EFEMP1: variants seen among roughly 807,000 people sequenced by gnomAD.
EFEMP1 encodes EGF-containing fibulin-like extracellular matrix protein 1.
In EFEMP1, 18 loss-of-function variants were observed where a neutral mutation model predicts 65.7. The ratio of observed to expected loss-of-function variants is 0.27; its 90% CI spans 0.19 to 0.41. The LOEUF is 0.41. Ranked by LOEUF, EFEMP1 falls within the 10% of genes least tolerant of loss-of-function variation. The pLI, the probability that EFEMP1 is intolerant of heterozygous loss-of-function variation, is 1.00. For synonymous variants in EFEMP1, 237 were observed against 219.7 expected, an observed-to-expected ratio of 1.08 and a Z score of -0.70; for missense variants, 469 against 624.8, an observed-to-expected ratio of 0.75 and a Z score of 2.66.
chr2:55,921,763 G>T lies in EFEMP1; in HGVS notation c.81+597C>A, dbSNP rs1466117332. On this transcript the variant is annotated intron_variant, in intron 3 of 11. Coordinates refer to ENST00000355426, the MANE Select transcript of EFEMP1 (RefSeq NM_001039348.3). The surrounding 1 kb of genome is among the most constrained non-coding windows in gnomAD (Gnocchi z 4.1). ...CGCTAATTAGAAAATGCAAAACGGA[G>T]TTGCACACATTACGTTTTAAAACCA... Among the ~76,000 whole-genome samples the T allele has an allele frequency of 6.6e-6, 1 of 152,208 alleles. No individual in the cohort carries two copies. The highest frequency in any genetic ancestry group is 1.5e-5 in the Non-Finnish European group (1 of 68,038).
At chr2:55,913,778 G>C (rs141935461) in intron 5 of EFEMP1, among the ~76,000 whole-genome samples, 2 of 152,136 alleles carry the variant, frequency 1.3e-5, no homozygotes, top group Admixed American at 1.3e-4. Context: ...GGGAGGCTGA[G>C]GTGGGCACAT....
chr2:55,915,675 A>G (rs993918820), intron 5 of EFEMP1, among the ~76,000 whole-genome samples: 3 of 152,168 alleles, frequency 2.0e-5, no homozygotes, highest in African/African-American at 7.2e-5. Flanking sequence ...AAAGTATTCA[A>G]AATAATTCAG....
intron 5 of EFEMP1, among the ~76,000 whole-genome samples, chr2:55,889,517 C>A (rs1272643710): frequency 6.6e-6 from 1 of 152,024 alleles, no homozygotes; most frequent in South Asian, 2.1e-4. Context: ...GCACTAAATT[C>A]TTTTTTCTGT....
intron 6 of EFEMP1, among the ~76,000 whole-genome samples, chr2:55,879,376 G>A (rs1393476231): frequency 6.6e-6 from 1 of 152,178 alleles, no homozygotes; most frequent in Non-Finnish European, 1.5e-5. Flanking sequence ...TAATTTGTAT[G>A]AATGGTATTA....
chr2:55,881,765 G>A (rs1214801152), intron 5 of EFEMP1, 31 bp from the exon 6 acceptor site: 1 of 1,613,794 alleles, frequency 6.2e-7, no homozygotes, highest in Non-Finnish European at 8.5e-7. Context: ...AGAAAGAATT[G>A]TCAGTTGTGA....
chr2:55,878,184 T>C (rs774544367), intron 6 of EFEMP1, among the ~76,000 whole-genome samples: 1 of 152,138 alleles, frequency 6.6e-6, no homozygotes, highest in East Asian at 1.9e-4. Context: ...TTATATATAA[T>C]TACAGAAGTA....
chr2:55,916,682 C>A (rs947227303), intron 5 of EFEMP1, among the ~76,000 whole-genome samples: 9 of 152,176 alleles, frequency 5.9e-5, no homozygotes, highest in Non-Finnish European at 1.0e-4. Context: ...TGGAGTTCTG[C>A]ACTATGGGAT....
rs561544454 is a variant in EFEMP1, at chr2:55,871,955, G to A, written c.1001-832C>T. 1.3e-5 allele frequency among the ~76,000 whole-genome samples: 2 copies of A among 152,118 alleles called. No individual in the cohort carries two copies. Among genetic ancestry groups the A allele is most frequent in the Non-Finnish European group, 2.9e-5 (2 of 67,994 alleles). ...GAAGTCAGAGGGAGAGAGAATCCTGGGAAGAAGGGTTGTGTTTACCTCAGG... is the reference window on the plus strand; with the variant it reads ...GAAGTCAGAGGGAGAGAGAATCCTGAGAAGAAGGGTTGTGTTTACCTCAGG... On this transcript the variant is annotated intron_variant, in intron 9 of 11. Coordinates refer to ENST00000355426, the MANE Select transcript of EFEMP1 (RefSeq NM_001039348.3). The surrounding 1 kb of genome is among the most constrained non-coding windows in gnomAD (Gnocchi z 4.2).
chr2:55,918,327 A>T, intron 3 of EFEMP1, 60 bp from the exon 4 acceptor site: 2 of 1,579,536 alleles, frequency 1.3e-6, no homozygotes, highest in Non-Finnish European at 1.7e-6. Context: ...TCCATTCCCT[A>T]AGAAATCACT....
chr2:55,872,124 G>GTCTCCCTT (rs1371791788), intron 9 of EFEMP1, among the ~76,000 whole-genome samples: 4 of 152,082 alleles, frequency 2.6e-5, no homozygotes, highest in Admixed American at 2.0e-4. Context: ...CTCTATGTCT[G>GTCTCCCTT]TCTCCCTTTA....
chr2:55,890,854 A>C (rs1162696367), intron 5 of EFEMP1, among the ~76,000 whole-genome samples: 1 of 152,070 alleles, frequency 6.6e-6, no homozygotes, highest in Non-Finnish European at 1.5e-5. Context: ...TTTTCTTTGT[A>C]CTCAATTTAC....
chr2:55,920,000 C>T lies in EFEMP1; in HGVS notation c.82-1733G>A, dbSNP rs1211177024. Among the ~76,000 whole-genome samples the T allele has an allele frequency of 6.6e-6, 1 of 152,212 alleles. No individual in the cohort carries two copies. On this transcript the variant is annotated intron_variant, in intron 3 of 11. Coordinates refer to ENST00000355426, the MANE Select transcript of EFEMP1 (RefSeq NM_001039348.3). The surrounding 1 kb of genome is among the most constrained non-coding windows in gnomAD (Gnocchi z 4.5). ...CAGACCCCATGATCTTTCTTGTGCT[C>T]TTGGTTATGTTGCTCCTCTCTCTGA... is the stretch of plus-strand genomic sequence containing the variant.
At chr2:55,908,967 T>C (rs79288655) in intron 5 of EFEMP1, among the ~76,000 whole-genome samples, 8,427 of 152,262 alleles carry the variant, frequency 0.055, 355 homozygotes, top group African/African-American at 0.12. Flanking sequence ...CTAATATTTA[T>C]GGAAAACCTA....
chr2:55,904,985 CTT>C (rs1168768201), intron 5 of EFEMP1, among the ~76,000 whole-genome samples: 6 of 23,166 alleles, frequency 2.6e-4, no homozygotes, highest in African/African-American at 6.8e-4. Context: ...TTTTCTTTTT[CTT>C]TTTTTTTTTT....
At position 55,919,564 on chromosome 2, in the gene EFEMP1, G is replaced by A. The variant is rs968783272; in HGVS notation, c.82-1297C>T. On this transcript the variant is annotated intron_variant, in intron 3 of 11. Transcript: ENST00000355426. The surrounding 1 kb of genome is among the most constrained non-coding windows in gnomAD (Gnocchi z 4.5). ...GCTCATTTGAGAAAGTCACTGTAAG[G>A]AAGAAGCCCAAGGAAGGATTGAGCA... Among the ~76,000 whole-genome samples, 1 of 152,210 alleles carries A rather than the reference G, an allele frequency of 6.6e-6. No homozygotes were observed. Among genetic ancestry groups the A allele is most frequent in the African/African-American group, 2.4e-5 (1 of 41,452 alleles).
At position 55,886,995 on chromosome 2, in the gene EFEMP1, T is replaced by A. The variant is rs1669445210; in HGVS notation, c.518-5261A>T. Among the ~76,000 whole-genome samples, 1 of 152,134 alleles carries A rather than the reference T, an allele frequency of 6.6e-6. No individual in the cohort carries two copies. The highest frequency in any genetic ancestry group is 1.5e-5 in the Non-Finnish European group (1 of 68,010). The stretch of plus-strand genomic sequence containing the variant: ...AGATTCATATACAAACTTGGTAACA[T>A]TCTAAAATTAATTGGTATAAAAATA... On this transcript the variant is annotated intron_variant, in intron 5 of 11. Transcript: ENST00000355426. The surrounding 1 kb of genome is among the most constrained non-coding windows in gnomAD (Gnocchi z 4.0).
rs1670948074 is a variant in EFEMP1 at position 55,922,695 on chromosome 2, T to G, written c.-8+204A>C. ...CACGTTACTCCATCCTGCTACGCTG[T>G]TTACATACAAAAGACATTCAGCGTG... On this transcript the variant is annotated intron_variant, in intron 2 of 11. Coordinates refer to ENST00000355426, the MANE Select transcript of EFEMP1 (RefSeq NM_001039348.3). This position sits in a 1 kb window ranked among gnomAD's most constrained non-coding sequence, Gnocchi z 5.5. 6.1e-5 allele frequency: 29 copies of G among 476,684 alleles called. No homozygotes were observed. Among genetic ancestry groups the G allele is most frequent in the South Asian group, 3.6e-4 (18 of 49,910 alleles). The allele number at this position is 476,684 out of a possible 1,614,324, so 29.5% of individuals were successfully genotyped here.
chr2:55,900,316 C>G (rs1361744602), intron 5 of EFEMP1, among the ~76,000 whole-genome samples: 1 of 148,106 alleles, frequency 6.8e-6, no homozygotes, highest in Admixed American at 6.8e-5. Flanking sequence ...CCCCACGATC[C>G]CCCCCACCAA....
At chr2:55,910,467 A>T (rs1441429240) in intron 5 of EFEMP1, among the ~76,000 whole-genome samples, 1 of 152,226 alleles carries the variant, frequency 6.6e-6, no homozygotes, top group Admixed American at 6.5e-5. Flanking sequence ...CTTTGGTTTC[A>T]AAGAATAAAA....
Sources: allele counts gnomAD v4.1 joint callset (sites outside exome capture counted in the v4.1 genomes callset), GRCh38; gene constraint gnomAD v4.1.1; non-coding constraint Gnocchi (gnomAD v3.1); transcripts MANE v1.5; gene names NCBI Gene and HGNC (gene_info 2026-07-23, HGNC 2026-07-21).